Variants in MCHR2 observed in about 807,000 individuals in gnomAD.
MCHR2 encodes melanin concentrating hormone receptor 2, also known as melanin-concentrating hormone receptor 2.
In MCHR2, 15 loss-of-function variants were observed where a neutral mutation model predicts 24.8. The ratio of observed to expected loss-of-function variants is 0.60; its 90% confidence interval spans 0.40 to 0.93. The LOEUF (loss-of-function observed/expected upper bound fraction) is 0.93, where lower values mean the gene tolerates loss of function less well. Among genes scored for constraint, MCHR2 ranks in the 40% least tolerant of loss-of-function variants. The pLI is 0.00. For synonymous variants in MCHR2, 151 were observed against 147.6 expected, an observed-to-expected ratio of 1.02 and a Z score of -0.17; for missense variants, 386 against 408.7, an observed-to-expected ratio of 0.94 and a Z score of 0.48.
At chr6:99,953,950 T>A (rs1341727604) in intron 2 of MCHR2, among the ~76,000 whole-genome samples, 2 of 152,000 alleles carry the variant, frequency 1.3e-5, no homozygotes, top group Non-Finnish European at 2.9e-5. Context: ...ATAGCGAAAC[T>A]GAAGGTTTGA....
At chr6:99,988,348 G>A (rs1422332550) in intron 1 of MCHR2, among the ~76,000 whole-genome samples, 1 of 152,168 alleles carries the variant, frequency 6.6e-6, no homozygotes, top group East Asian at 1.9e-4. Context: ...GATACCAGAT[G>A]ATTACAGCAG....
rs1248584916 is a variant in MCHR2 at position 99,920,386 on chromosome 6, GT to G, written c.*553del. On this transcript the variant is annotated 3_prime_UTR_variant, in exon 6 of 6. Coordinates refer to ENST00000281806, the MANE Select transcript of MCHR2 (RefSeq NM_001040179.2). The stretch of plus-strand genomic sequence containing the variant: ...AAAGGTAATAATACTTATTTCACAG[GT>G]TTGTTACATGTAATCTTACACATTG... The G allele has an allele frequency of 6.5e-6, 1 of 153,072 alleles. No individual in the cohort carries two copies. Among genetic ancestry groups the G allele is most frequent in the African/African-American group, 2.4e-5 (1 of 41,428 alleles). The allele number at this position is 153,072 out of a possible 1,614,324, so 9.5% of individuals were successfully genotyped here. A position where few individuals can be genotyped will look rare whatever the true frequency, so the allele number is the denominator to read the frequency against.
At chr6:99,923,754 C>A (rs1312933539) in intron 5 of MCHR2, among the ~76,000 whole-genome samples, 1 of 151,946 alleles carries the variant, frequency 6.6e-6, no homozygotes, top group African/African-American at 2.4e-5. Context: ...CATCCTGGCA[C>A]CCCTGGGATA....
chr6:99,935,653 A>C lies in MCHR2; in HGVS notation c.588-1136T>G, dbSNP rs78171233. Among the ~76,000 whole-genome samples the C allele has an allele frequency of 8.4e-3, 1,284 of 152,158 alleles. 15 individuals carry two copies. The highest frequency in any genetic ancestry group is 0.029 in the African/African-American group (1,212 of 41,548). ...ATTACATATTTTGGTTATTGTGAAC[A>C]GTACAGCAATAAACATGGTAGTACA... On this transcript the variant is annotated intron_variant, in intron 4 of 5. Coordinates refer to ENST00000281806, the MANE Select transcript of MCHR2 (RefSeq NM_001040179.2).
At chr6:99,931,019 G>C (rs1294448321) in intron 5 of MCHR2, among the ~76,000 whole-genome samples, 1 of 152,118 alleles carries the variant, frequency 6.6e-6, no homozygotes, top group African/African-American at 2.4e-5. Flanking sequence ...TGGGTTTTTG[G>C]TGTGGATGTC....
intron 1 of MCHR2, among the ~76,000 whole-genome samples, chr6:99,991,169 A>C (rs1274897280): frequency 2.0e-5 from 3 of 152,018 alleles, no homozygotes; most frequent in Admixed American, 6.6e-5. Context: ...AGAGGGGAGC[A>C]GAGCCGCCTA....
chr6:99,965,729 G>A (rs1582398291), intron 1 of MCHR2, among the ~76,000 whole-genome samples: 2 of 152,190 alleles, frequency 1.3e-5, no homozygotes, highest in South Asian at 2.1e-4. Flanking sequence ...ATATGCAAAT[G>A]AATAGGTTTG....
At chr6:99,956,945 TGTG>T (rs1479930489) in intron 1 of MCHR2, among the ~76,000 whole-genome samples, 3 of 94,982 alleles carry the variant, frequency 3.2e-5, no homozygotes, top group Admixed American at 9.9e-5. Context: ...CTGGACAAAA[TGTG>T]TGTGTGTGTG....
intron 2 of MCHR2, among the ~76,000 whole-genome samples, chr6:99,949,626 C>T (rs534334663): frequency 1.3e-5 from 2 of 152,234 alleles, no homozygotes; most frequent in African/African-American, 4.8e-5. Flanking sequence ...GCAGCATCCA[C>T]TGTGTGGGGA....
intron 1 of MCHR2, among the ~76,000 whole-genome samples, chr6:99,984,100 C>T (rs1274070306): frequency 1.3e-5 from 2 of 151,962 alleles, no homozygotes; most frequent in African/African-American, 2.4e-5. Flanking sequence ...ATAAAGAAGT[C>T]CAGAAGTATT....
chr6:99,923,729 T>A (rs1216145227), intron 5 of MCHR2, among the ~76,000 whole-genome samples: 1 of 152,118 alleles, frequency 6.6e-6, no homozygotes, highest in East Asian at 1.9e-4. Flanking sequence ...ATTGATTAAT[T>A]TACATACGTT....
intron 1 of MCHR2, among the ~76,000 whole-genome samples, chr6:99,961,714 G>A (rs967072772): frequency 2.0e-5 from 3 of 152,098 alleles, no homozygotes; most frequent in Non-Finnish European, 2.9e-5. Context: ...TGCGGGATGG[G>A]AGGCTGGGAG....
Position 99,921,084 on chromosome 6 carries a change from A to G in MCHR2, c.879T>C (p.Cys293=). ...AFYVGYYLSI[C]LSYASSSINP... ...TAATGCTGCTGCTGGCATAGCTGAG[A>G]CAGATGGAGAGGTAATAACCCACAT... The change falls in exon 6 of 6, where the codon TGT becomes TGC. Residue 293 remains cysteine (C), a synonymous_variant. Transcript: ENST00000281806. 1 of 1,614,194 alleles carries G rather than the reference A, an allele frequency of 6.2e-7. No homozygotes were observed. Among genetic ancestry groups the G allele is most frequent in the Non-Finnish European group, 8.5e-7 (1 of 1,180,022 alleles).
At chr6:99,960,229 C>T (rs1445834804) in intron 1 of MCHR2, among the ~76,000 whole-genome samples, 3 of 151,940 alleles carry the variant, frequency 2.0e-5, no homozygotes, top group African/African-American at 7.3e-5. Flanking sequence ...AATACTATGT[C>T]CAGCAAAAAT....
intron 1 of MCHR2, among the ~76,000 whole-genome samples, chr6:99,983,504 T>G (rs1043494440): frequency 6.6e-6 from 1 of 152,212 alleles, no homozygotes; most frequent in African/African-American, 2.4e-5. Context: ...CTGATCCCAG[T>G]TGTTCCCCAA....
chr6:99,928,097 T>A (rs1242340634), intron 5 of MCHR2, among the ~76,000 whole-genome samples: 2 of 152,232 alleles, frequency 1.3e-5, no homozygotes, highest in Admixed American at 6.5e-5. Context: ...GAGATAATCG[T>A]GTGGTTTTTG....
chr6:99,929,578 T>C (rs1774460843), intron 5 of MCHR2, among the ~76,000 whole-genome samples: 2 of 151,802 alleles, frequency 1.3e-5, no homozygotes, highest in African/African-American at 4.8e-5. Context: ...AATTGATCCC[T>C]TTACCATTAT....
In MCHR2 at chr6:99,989,340, T is replaced by G. The variant is rs533017589; in HGVS notation, c.-28+4596A>C. 6.6e-5 allele frequency among the ~76,000 whole-genome samples: 10 copies of G among 152,320 alleles called. No homozygotes were observed. The South Asian group carries it at 1.9e-3, about 28-fold the overall frequency. ...GTAAAGTACCAATTTTAAGCAAGAT[T>G]TATAGAATGTTTGTAATGTGCCAGA... On this transcript the variant is annotated intron_variant, in intron 1 of 5. Transcript: ENST00000281806.
At chr6:99,990,732 A>G (rs1775856966) in intron 1 of MCHR2, among the ~76,000 whole-genome samples, 1 of 151,836 alleles carries the variant, frequency 6.6e-6, no homozygotes, top group Non-Finnish European at 1.5e-5. Flanking sequence ...GATAAAAGCC[A>G]TTTACATAAT....
Sources: gnomAD v4.1 joint callset for allele counts (sites outside exome capture counted in the v4.1 genomes callset) on GRCh38, gnomAD v4.1.1 for gene constraint, MANE v1.5 for transcripts, NCBI Gene and HGNC (gene_info 2026-07-23, HGNC 2026-07-21) for gene names.